The following ITGB4 variants were observed in gnomAD, a reference collection of about 807,000 sequenced individuals.
ITGB4 encodes the protein integrin subunit beta 4, also known as integrin beta-4.
A neutral mutation model predicts 207.6 loss-of-function variants in ITGB4; 159 were observed. The observed-to-expected ratio is 0.77, with a 90% confidence interval of 0.67 to 0.87. ITGB4 has a LOEUF of 0.87. Ranked by LOEUF, ITGB4 falls within the 40% of genes least tolerant of loss-of-function variation. ITGB4 has a pLI of 0.00. For missense variants in ITGB4, 2,278 were observed against 2,546.8 expected (o/e 0.89, Z 2.27); for synonymous variants, 1,020 against 1,062.7 (o/e 0.96, Z 0.78).
At chr17:75,747,251 G>T (rs1443626607) in intron 26 of ITGB4, among the ~76,000 whole-genome samples, 3 of 152,170 alleles carry the variant, frequency 2.0e-5, no homozygotes, top group African/African-American at 7.2e-5. Flanking sequence ...GGCTGAGGCA[G>T]GTGGATCACC....
chr17:75,741,789 G>C (rs1465471609), intron 23 of ITGB4, among the ~76,000 whole-genome samples: 2 of 151,284 alleles, frequency 1.3e-5, no homozygotes, highest in Non-Finnish European at 2.9e-5. Context: ...CTGGGCGACT[G>C]AGTGAGAATC....
chr17:75,741,775 C>T (rs914208694), intron 23 of ITGB4, among the ~76,000 whole-genome samples: 31 of 151,234 alleles, frequency 2.0e-4, no homozygotes, highest in Non-Finnish European at 2.8e-4. Flanking sequence ...CACTGCACTC[C>T]AGCCTGGGCG....
chr17:75,727,319 G>C lies in ITGB4; in HGVS notation c.162+42G>C. The C allele has an allele frequency of 5.0e-6, 8 of 1,612,234 alleles. No homozygotes were observed. Among genetic ancestry groups the C allele is most frequent in the Non-Finnish European group, 5.9e-6 (7 of 1,178,750 alleles). Reference sequence around the variant, plus strand: ...GGTTGGTGTGGAACAGGCAAGGGTCGGGAATAGCTGGTGGAAATGAATCTA... The same window carrying C: ...GGTTGGTGTGGAACAGGCAAGGGTCCGGAATAGCTGGTGGAAATGAATCTA... On this transcript the variant is annotated intron_variant, in intron 3 of 39. Transcript: ENST00000200181. The surrounding 1 kb of genome is among the most constrained non-coding windows in gnomAD (Gnocchi z 6.0).
In ITGB4 at chr17:75,750,179, G is replaced by A. The variant is rs201321412; in HGVS notation, c.3385G>A (p.Ala1129Thr). ...SQPPPHGDLG[A>T]PQNPNAKAAG... ...GCCACCCCCTCACGGCGACCTGGGCGCCCCGCAGAACCCCAATGCTAAGGC... is the reference window on the plus strand; with the variant it reads ...GCCACCCCCTCACGGCGACCTGGGCACCCCGCAGAACCCCAATGCTAAGGC... Residue 1129 changes from alanine (A) to threonine (T), a missense_variant, in exon 28 of 40, where the codon GCC (alanine) becomes ACC (threonine). Coordinates refer to ENST00000200181, the MANE Select transcript of ITGB4 (RefSeq NM_000213.5). The surrounding 1 kb of genome is among the most constrained non-coding windows in gnomAD (Gnocchi z 5.5). 73 of 1,613,854 alleles carry A rather than the reference G, an allele frequency of 4.5e-5. No individual in the cohort carries two copies. In the East Asian group the frequency reaches 5.6e-4, roughly 12 times the overall value.
chr17:75,757,091 A>G lies in ITGB4; in HGVS notation c.5202A>G (p.Ile1734Met), dbSNP rs765514628. ...CAGAGCGCGAGGGCATCATCACCATAGAGTCCCAGGATGGAGGTAGGCACC... is the reference window on the plus strand; with the variant it reads ...CAGAGCGCGAGGGCATCATCACCATGGAGTCCCAGGATGGAGGTAGGCACC... ...FGPEREGIIT[I>M]ESQDGGPFPQ... is the part of the protein sequence containing the mutation. The change falls in exon 38 of 40, where the codon ATA becomes ATG. Residue 1734 changes from isoleucine to methionine, a missense_variant. Ile to Met is a conservative substitution (Grantham distance 10). Transcript: ENST00000200181. 41 of 1,612,770 alleles carry G rather than the reference A, an allele frequency of 2.5e-5. No individual in the cohort carries two copies. Among genetic ancestry groups the G allele is most frequent in the African/African-American group, 4.0e-5 (3 of 74,836 alleles).
Position 75,729,698 on chromosome 17 carries a change from C to T in ITGB4, c.738+262C>T, listed in dbSNP as rs1421254663. ...GTTTCGTATCAGCTACCAAGGCAGA[C>T]CTGGGCTTTAGCGTTCTGGAATCTT... On this transcript the variant is annotated intron_variant, in intron 7 of 39. Coordinates refer to ENST00000200181, the MANE Select transcript of ITGB4 (RefSeq NM_000213.5). This position sits in a 1 kb window ranked among gnomAD's most constrained non-coding sequence, Gnocchi z 4.4. Among the ~76,000 whole-genome samples, 1 of 152,210 alleles carries T rather than the reference C, an allele frequency of 6.6e-6. No homozygotes were observed. The highest frequency in any genetic ancestry group is 1.5e-5 in the Non-Finnish European group (1 of 68,036).
In ITGB4 at chr17:75,740,304, T is replaced by A; in HGVS notation, c.2447-54T>A. 6.7e-7 allele frequency: 1 copy of A among 1,489,512 alleles called. No individual in the cohort carries two copies. The highest frequency in any genetic ancestry group is 9.3e-7 in the Non-Finnish European group (1 of 1,077,904). The allele number at this position is 1,489,512 out of a possible 1,614,324, so 92.3% of individuals were successfully genotyped here. On this transcript the variant is annotated intron_variant, in intron 20 of 39. Transcript: ENST00000200181. This position sits in a 1 kb window ranked among gnomAD's most constrained non-coding sequence, Gnocchi z 5.9. ...CTGGAGGGATGCTCTGTGGTGCCTG[T>A]CATGCAGGGGGCTGACCACCTCCAT...
intron 34 of ITGB4, 194 bp downstream of exon 34, chr17:75,755,009 C>A: frequency 6.3e-7 from 1 of 1,575,280 alleles, no homozygotes; most frequent in Non-Finnish European, 8.6e-7. Context: ...TACACACATG[C>A]ATGCACACTC....
Position 75,740,781 on chromosome 17 carries a change from C to A in ITGB4, c.2551-12C>A. 6.2e-7 allele frequency: 1 copy of A among 1,612,794 alleles called. No individual in the cohort carries two copies. The highest frequency in any genetic ancestry group is 8.5e-7 in the Non-Finnish European group (1 of 1,179,890). On this transcript the variant is annotated splice_polypyrimidine_tract_variant and intron_variant, in intron 21 of 39. Coordinates refer to ENST00000200181, the MANE Select transcript of ITGB4 (RefSeq NM_000213.5). This position sits in a 1 kb window ranked among gnomAD's most constrained non-coding sequence, Gnocchi z 5.9. ...CCTAGGCCCAGCCTCACGCCCCTCCCTTGCCTGGCAGCTGAACGAGGTCTA... is the reference window on the plus strand; with the variant it reads ...CCTAGGCCCAGCCTCACGCCCCTCCATTGCCTGGCAGCTGAACGAGGTCTA...
At position 75,753,564 on chromosome 17, in the gene ITGB4, G is replaced by A. The variant is rs138475066; in HGVS notation, c.4109-201G>A. 6.3e-3 allele frequency among the ~76,000 whole-genome samples: 957 copies of A among 152,290 alleles called. 3 individuals carry two copies. The highest frequency in any genetic ancestry group is 9.9e-3 in the Non-Finnish European group (675 of 68,014). On this transcript the variant is annotated intron_variant, in intron 32 of 39. Transcript: ENST00000200181. Reference sequence around the variant, plus strand: ...GAGGCTGCACTCGCTCATCTGGAAAGGCTTCAGCCGCGCAAGGGTTTCACC... The same window carrying A: ...GAGGCTGCACTCGCTCATCTGGAAAAGCTTCAGCCGCGCAAGGGTTTCACC...
chr17:75,727,395 T>C lies in ITGB4; in HGVS notation c.163-9T>C. The C allele has an allele frequency of 6.2e-7, 1 of 1,613,942 alleles. No individual in the cohort carries two copies. Among genetic ancestry groups the C allele is most frequent in the Non-Finnish European group, 8.5e-7 (1 of 1,179,974 alleles). ...GCTGCCCCCAGTGACCCCCTGTCCT[T>C]CTGGCCAGATGTTCAGGGACCGGCG... On this transcript the variant is annotated splice_polypyrimidine_tract_variant and intron_variant, in intron 3 of 39. Coordinates refer to ENST00000200181, the MANE Select transcript of ITGB4 (RefSeq NM_000213.5). This position sits in a 1 kb window ranked among gnomAD's most constrained non-coding sequence, Gnocchi z 6.0.
intron 34 of ITGB4, chr17:75,755,302 C>T (rs879228788): frequency 7.2e-7 from 1 of 1,385,348 alleles, no homozygotes; most frequent in Non-Finnish European, 9.9e-7. Flanking sequence ...GTGCCCACTG[C>T]TTCCCCTCCA....
chr17:75,753,991 CCG>C lies in ITGB4; in HGVS notation c.4318+19_4318+20del. ...CCCCCGGAGGTGACAGGCTCACCCGCCGCCCCCCGATCCGCGCCCACCCAGCC... is the reference window on the plus strand; with the variant it reads ...CCCCCGGAGGTGACAGGCTCACCCGCCCCCCCGATCCGCGCCCACCCAGCC... On this transcript the variant is annotated intron_variant, in intron 33 of 39. Transcript: ENST00000200181. 8.9e-7 allele frequency: 1 copy of C among 1,121,076 alleles called. No homozygotes were observed. Among genetic ancestry groups the C allele is most frequent in the Non-Finnish European group, 1.1e-6 (1 of 881,692 alleles). The allele number at this position is 1,121,076 out of a possible 1,614,324, so 69.4% of individuals were successfully genotyped here.
rs757276151 is a variant in ITGB4, at chr17:75,727,242, C to T, written c.127C>T (p.Arg43Cys). The change falls in exon 3 of 40, where the codon CGT becomes TGT. Residue 43 changes from arginine to cysteine, a missense_variant. Physicochemically the swap from Arg to Cys is radical, Grantham distance 180 (BLOSUM62 -3). Transcript: ENST00000200181. This position sits in a 1 kb window ranked among gnomAD's most constrained non-coding sequence, Gnocchi z 6.0. ...AGTGAAGAGCTGCACGGAGTGTGTC[C>T]GTGTGGATAAGGACTGCGCCTACTG... ...APVKSCTECVRVDKDCAYCTD... is the reference protein window; with the variant it reads ...APVKSCTECVCVDKDCAYCTD... 6.2e-6 allele frequency: 10 copies of T among 1,613,854 alleles called. No individual in the cohort carries two copies. Among genetic ancestry groups the T allele is most frequent in the Admixed American group, 3.3e-5 (2 of 59,978 alleles).
Position 75,756,669 on chromosome 17 carries a change from C to T in ITGB4, c.4898-35C>T, listed in dbSNP as rs1212821200. The T allele has an allele frequency of 2.5e-6, 4 of 1,613,298 alleles. No individual in the cohort carries two copies. In the South Asian group the frequency reaches 4.4e-5, roughly 18 times the overall value. ...CTGCCCCCATCATGCCCACCACCCA[C>T]CCACAGGCTGATGCTCTTCCTCTAC... On this transcript the variant is annotated intron_variant, in intron 36 of 39. Coordinates refer to ENST00000200181, the MANE Select transcript of ITGB4 (RefSeq NM_000213.5).
intron 8 of ITGB4, 72 bp from the exon 9 acceptor site, chr17:75,730,803 A>G: frequency 7.2e-7 from 1 of 1,382,684 alleles, no homozygotes. Flanking sequence ...CCATCCTCAA[A>G]GTGGGAAGAA....
Position 75,736,060 on chromosome 17 carries a change from G to T in ITGB4, c.1667G>T (p.Arg556Leu). 1 of 1,613,980 alleles carries T rather than the reference G, an allele frequency of 6.2e-7. No homozygotes were observed. Among genetic ancestry groups the T allele is most frequent in the Non-Finnish European group, 8.5e-7 (1 of 1,180,008 alleles). The change falls in exon 14 of 40, where the codon CGC becomes CTC. Residue 556 changes from arginine to leucine, a missense_variant. Coordinates refer to ENST00000200181, the MANE Select transcript of ITGB4 (RefSeq NM_000213.5). ...TTGTCCCTCTCTGCAGACCGAGGAC[G>T]CTGCTCCATGGGCCAGTGTGTGTGT... ...TSGFLCNDRG[R>L]CSMGQCVCEP...
chr17:75,730,817 T>C, intron 8 of ITGB4, 58 bp from the exon 9 acceptor site: 1 of 1,440,488 alleles, frequency 6.9e-7, no homozygotes, highest in South Asian at 1.1e-5. Context: ...GGAAGAATCC[T>C]AGAGCTGTTC....
rs1373259356 is a variant in ITGB4, at chr17:75,736,607, T to A, written c.1903T>A (p.Cys635Ser). The A allele has an allele frequency of 6.2e-7, 1 of 1,603,454 alleles. No individual in the cohort carries two copies. Residue 635 changes from cysteine (C) to serine (S), a missense_variant, in exon 16 of 40, where the codon TGC (cysteine) becomes AGC (serine). Transcript: ENST00000200181. ...LCEDLRSCVQ[C>S]QAWGTGEKKG... ...CGAGGACCTACGCTCCTGCGTGCAG[T>A]GCCAGGCGTGGGGCACCGGCGAGAA...
Sources: gnomAD v4.1 joint callset for allele counts (sites outside exome capture counted in the v4.1 genomes callset) on GRCh38, gnomAD v4.1.1 for gene constraint, Gnocchi (gnomAD v3.1) non-coding constraint, MANE v1.5 for transcripts, NCBI Gene and HGNC (gene_info 2026-07-23, HGNC 2026-07-21) for gene names.